ZBED1: variants seen among roughly 807,000 people sequenced by gnomAD.
The protein encoded by ZBED1 is E3 SUMO-protein ligase ZBED1.
ZBED1 carries 19 observed loss-of-function variants against 49.7 expected under a neutral mutation model. The observed-to-expected ratio is 0.38, with a 90% CI of 0.27 to 0.56. The LOEUF is 0.56. ZBED1 is among the 20% of genes least tolerant of loss of function. The pLI is 0.70. For synonymous variants in ZBED1, 439 were observed against 440.3 expected (o/e 1.00, Z 0.04); for missense variants, 806 against 972.6 (o/e 0.83, Z 2.28).
chrX:2,494,303 A>C (rs1456143250), intron 1 of ZBED1, among the ~76,000 whole-genome samples: 1 of 151,906 alleles, frequency 6.6e-6, no homozygotes, highest in Non-Finnish European at 1.5e-5. Flanking sequence ...AGAGGTCTCG[A>C]CACCTGGAAC....
At position 2,487,509 on chromosome X, in the gene ZBED1, C is replaced by G. The variant is rs1448708476; in HGVS notation, c.*1126G>C. 3.3e-5 allele frequency: 5 copies of G among 152,230 alleles called. No individual in the cohort carries two copies. The highest frequency in any genetic ancestry group is 7.3e-5 in the Non-Finnish European group (5 of 68,070). 9.4% of individuals were successfully genotyped at this position (152,230 alleles called of 1,614,324 possible). A position where few individuals can be genotyped will look rare whatever the true frequency, so the allele number is the denominator to read the frequency against. On this transcript the variant is annotated 3_prime_UTR_variant, in exon 2 of 2. Transcript: ENST00000652001. ...CCTCCCGAGTAGCTGGGATTACAGG[C>G]GGGTGCCACCGCATCTGGCTAGTTT...
intron 1 of ZBED1, among the ~76,000 whole-genome samples, chrX:2,497,502 G>A (rs966108949): frequency 2.0e-5 from 3 of 151,902 alleles, no homozygotes; most frequent in African/African-American, 7.3e-5. Context: ...TCCCTTTACA[G>A]GTTAAAAAAA....
At position 2,490,125 on chromosome X, in the gene ZBED1, C is replaced by T; in HGVS notation, c.595G>A (p.Asp199Asn). 6.2e-7 allele frequency: 1 copy of T among 1,613,946 alleles called. No homozygotes were observed. The highest frequency in any genetic ancestry group is 1.3e-5 in the African/African-American group (1 of 75,070). Residue 199 changes from aspartate (D) to asparagine (N), a missense_variant, in exon 2 of 2, where the codon GAC (aspartate) becomes AAC (asparagine). Physicochemically the swap from Asp to Asn is conservative, Grantham distance 23 (BLOSUM62 1). Transcript: ENST00000652001. The part of the protein sequence containing the change: ...AEATWCGIST[D>N]MWRSENQNRA... ...TTCTGATTCTCACTCCTCCACATGTCGGTGGAGATGCCACACCAGGTGGCC... is the reference window on the plus strand; with the variant it reads ...TTCTGATTCTCACTCCTCCACATGTTGGTGGAGATGCCACACCAGGTGGCC...
chrX:2,493,897 G>A (rs2045220181), intron 1 of ZBED1, among the ~76,000 whole-genome samples: 1 of 152,150 alleles, frequency 6.6e-6, no homozygotes, highest in Admixed American at 6.5e-5. Flanking sequence ...GTTTGAACCC[G>A]GGAAGCAGAG....
intron 1 of ZBED1, among the ~76,000 whole-genome samples, chrX:2,493,260 T>C (rs1469040753): frequency 2.6e-5 from 4 of 152,140 alleles, no homozygotes; most frequent in African/African-American, 9.7e-5. Context: ...GAAAAGAATC[T>C]CAAGAGGCCT....
chrX:2,490,757 C>G lies in ZBED1; in HGVS notation c.-38G>C, dbSNP rs369425140. 1 of 1,590,776 alleles carries G rather than the reference C, an allele frequency of 6.3e-7. No individual in the cohort carries two copies. The highest frequency in any genetic ancestry group is 1.7e-5 in the Admixed American group (1 of 58,540). On this transcript the variant is annotated 5_prime_UTR_variant, in exon 2 of 2. An upstream start codon of the reference 5' UTR is lost. Coordinates refer to ENST00000652001, the MANE Select transcript of ZBED1 (RefSeq NM_001171136.2). ...GGAGCCTGCCTGCTGGACGGCTGCT[C>G]ATGCGTGGGGACCTGCTGAGAAGGG...
At position 2,490,344 on chromosome X, in the gene ZBED1, G is replaced by A. The variant is rs748783889; in HGVS notation, c.376C>T (p.Leu126=). ...HGYDSKKQQE[L]TAAVLGLICE... ...ATGAGGCCCAGCACGGCGGCCGTCA[G>A]CTCCTGCTGCTTCTTGCTGTCGTAG... is the stretch of plus-strand genomic sequence containing the variant. Residue 126 remains leucine (L), a synonymous_variant, in exon 2 of 2, where the codon CTG becomes TTG. Coordinates refer to ENST00000652001, the MANE Select transcript of ZBED1 (RefSeq NM_001171136.2). 6.2e-7 allele frequency: 1 copy of A among 1,613,282 alleles called. No individual in the cohort carries two copies. Among genetic ancestry groups the A allele is most frequent in the East Asian group, 2.2e-5 (1 of 44,866 alleles).
intron 1 of ZBED1, among the ~76,000 whole-genome samples, chrX:2,496,960 G>C (rs1443441064): frequency 2.6e-5 from 4 of 151,164 alleles, no homozygotes; most frequent in Non-Finnish European, 5.9e-5. Flanking sequence ...TAATTGGCCT[G>C]TTACCATTAC....
chrX:2,495,418 T>C (rs1221569778), intron 1 of ZBED1, among the ~76,000 whole-genome samples: 3 of 152,128 alleles, frequency 2.0e-5, no homozygotes, highest in Admixed American at 1.3e-4. Flanking sequence ...ATGATGATCA[T>C]CATTTGGCTG....
At chrX:2,498,386 T>C (rs2045331622) in intron 1 of ZBED1, among the ~76,000 whole-genome samples, 1 of 152,062 alleles carries the variant, frequency 6.6e-6, no homozygotes, top group African/African-American at 2.4e-5. Context: ...AAAAATGCCG[T>C]TTAGGAAGCT....
At position 2,489,436 on chromosome X, in the gene ZBED1, C is replaced by T; in HGVS notation, c.1284G>A (p.Met428Ile). 6.2e-7 allele frequency: 1 copy of T among 1,613,900 alleles called. No homozygotes were observed. The change falls in exon 2 of 2, where the codon ATG (methionine) becomes ATA (isoleucine). Residue 428 changes from methionine to isoleucine, a missense_variant. Physicochemically the swap from Met to Ile is conservative, Grantham distance 10. Transcript: ENST00000652001. ...TGATGTTGAGCGTGGTGTTCAGGAGCATGTGCAGCAGCGGCTTCACCATGC... is the reference window on the plus strand; with the variant it reads ...TGATGTTGAGCGTGGTGTTCAGGAGTATGTGCAGCAGCGGCTTCACCATGC... Reference protein sequence around the residue: ...TISMVKPLLHMLLNTTLNIKE... With the variant: ...TISMVKPLLHILLNTTLNIKE...
intron 1 of ZBED1, among the ~76,000 whole-genome samples, chrX:2,491,638 T>A (rs1475202421): frequency 6.6e-6 from 1 of 152,200 alleles, no homozygotes; most frequent in Admixed American, 6.5e-5. Context: ...CACTGCACAC[T>A]CTTCTCAAAC....
chrX:2,489,717 T>G lies in ZBED1; in HGVS notation c.1003A>C (p.Lys335Gln), dbSNP rs1240587144. 1 of 1,613,000 alleles carries G rather than the reference T, an allele frequency of 6.2e-7. No homozygotes were observed. Among genetic ancestry groups the G allele is most frequent in the Non-Finnish European group, 8.5e-7 (1 of 1,179,828 alleles). Reference sequence around the variant, plus strand: ...TGGGCCACGTTCTGCTGCTTCTGCTTCTCATAGAGCATGTACATGGCCACG... The same window carrying G: ...TGGGCCACGTTCTGCTGCTTCTGCTGCTCATAGAGCATGTACATGGCCACG... ...SAVAMYMLYE[K>Q]QKQQNVAHCM... Residue 335 changes from lysine (K) to glutamine (Q), a missense_variant, in exon 2 of 2, where the codon AAG (lysine) becomes CAG (glutamine). Physicochemically the swap from Lys to Gln is moderately conservative, Grantham distance 53. Around this residue, in one of 2 missense-constraint regions of ZBED1, gnomAD observed 749 missense variants for 861.3 expected, o/e 0.87. Coordinates refer to ENST00000652001, the MANE Select transcript of ZBED1 (RefSeq NM_001171136.2).
chrX:2,491,074 T>TG (rs1556033016), intron 1 of ZBED1, among the ~76,000 whole-genome samples: 1 of 125,012 alleles, frequency 8.0e-6, no homozygotes, highest in Non-Finnish European at 1.8e-5. Context: ...TAGTTTTTTT[T>TG]TTTTTTTTTT....
At chrX:2,500,109 C>G (rs1192482210) in intron 1 of ZBED1, among the ~76,000 whole-genome samples, 3 of 152,214 alleles carry the variant, frequency 2.0e-5, no homozygotes, top group African/African-American at 4.8e-5. Flanking sequence ...TGGCGGTCAT[C>G]ACTGATGAGT....
At position 2,489,211 on chromosome X, in the gene ZBED1, G is replaced by A; in HGVS notation, c.1509C>T (p.Gly503=). ...CGCCGTCTTTGACCTTGTCCAGCAG[G>A]CCCTTGGCCTCTTCCACCACGCGAT... The part of the protein sequence containing the change: ...VENRVVEEAK[G]LLDKVKDGGY... Residue 503 remains glycine, a synonymous_variant, in exon 2 of 2, where the codon GGC becomes GGT. Transcript: ENST00000652001. 1 of 1,613,788 alleles carries A rather than the reference G, an allele frequency of 6.2e-7. No individual in the cohort carries two copies. The highest frequency in any genetic ancestry group is 8.5e-7 in the Non-Finnish European group (1 of 1,179,850).
In ZBED1 at chrX:2,490,413, G is replaced by A. The variant is rs1181234673; in HGVS notation, c.307C>T (p.Gln103Ter). The change falls in exon 2 of 2, where the codon CAG (glutamine) becomes TAG (stop). Residue 103 changes from glutamine (Q) to a stop codon, truncating the protein, a stop_gained. Coordinates refer to ENST00000652001, the MANE Select transcript of ZBED1 (RefSeq NM_001171136.2). LOFTEE classifies it high-confidence loss of function. Reference protein sequence around the residue: ...AFSKLKPESSQQPGQDALAVK... With the variant: ...AFSKLKPESS ...GCCAGCGCGTCCTGCCCGGGCTGCT[G>A]GGACGACTCGGGCTTCAGCTTGGAG... is the stretch of plus-strand genomic sequence containing the variant. The A allele has an allele frequency of 3.1e-6, 5 of 1,613,828 alleles. No homozygotes were observed. The Admixed American group carries it at 6.7e-5, about 22-fold the overall frequency.
Position 2,486,541 on chromosome X carries a change from C to T in ZBED1, c.*2094G>A, listed in dbSNP as rs369012694. On this transcript the variant is annotated 3_prime_UTR_variant, in exon 2 of 2. Transcript: ENST00000652001. Reference sequence around the variant, plus strand: ...TTAAAAATAAAAATGAAGACAGAGCCGGGACAGTTCACATTTCCACGTGAG... The same window carrying T: ...TTAAAAATAAAAATGAAGACAGAGCTGGGACAGTTCACATTTCCACGTGAG... The T allele has an allele frequency of 6.6e-6, 1 of 152,124 alleles. No homozygotes were observed. Among genetic ancestry groups the T allele is most frequent in the African/African-American group, 2.4e-5 (1 of 41,426 alleles). 9.4% of individuals were successfully genotyped at this position (152,124 alleles called of 1,614,324 possible). A position where few individuals can be genotyped will look rare whatever the true frequency, so the allele number is the denominator to read the frequency against.
Position 2,490,573 on chromosome X carries a change from G to T in ZBED1, c.147C>A (p.Ile49=). 6.2e-7 allele frequency: 1 copy of T among 1,614,010 alleles called. No homozygotes were observed. Among genetic ancestry groups the T allele is most frequent in the African/African-American group, 1.3e-5 (1 of 75,060 alleles). The change falls in exon 2 of 2, where the codon ATC becomes ATA. Residue 49 remains isoleucine (I), a synonymous_variant. Transcript: ENST00000652001. ...ILQWKKIYCR[I]CMAQIAYSGN... ...CGGAGTAGGCGATCTGGGCCATGCAGATGCGGCAGTAGATTTTCTTCCACT... is the reference window on the plus strand; with the variant it reads ...CGGAGTAGGCGATCTGGGCCATGCATATGCGGCAGTAGATTTTCTTCCACT...
Sources: gnomAD v4.1 joint callset for allele counts (sites outside exome capture counted in the v4.1 genomes callset) on GRCh38, gnomAD v4.1.1 for gene constraint, gnomAD v4.1.1 regional missense constraint, MANE v1.5 for transcripts, NCBI Gene and HGNC (gene_info 2026-07-23, HGNC 2026-07-21) for gene names.